The following COL4A3 variants were observed in gnomAD, a reference collection of about 807,000 sequenced individuals.
The protein encoded by COL4A3 is collagen type IV alpha 3 chain, also known as collagen alpha-3(IV) chain.
Under a neutral mutation model 217.4 loss-of-function variants are expected in COL4A3, and 135 were observed. That is an observed-to-expected ratio of 0.62 (90% CI 0.54 to 0.72). The LOEUF (loss-of-function observed/expected upper bound fraction) is 0.72, where lower values mean the gene tolerates loss of function less well. Ranked by LOEUF, COL4A3 falls within the 30% of genes least tolerant of loss-of-function variation. The pLI, the probability that COL4A3 is intolerant of heterozygous loss-of-function variation, is 0.00. For synonymous variants in COL4A3, 690 were observed against 736.3 expected, an observed-to-expected ratio of 0.94 and a Z score of 1.02; for missense variants, 1,868 against 2,119.9, an observed-to-expected ratio of 0.88 and a Z score of 2.33.
chr2:227,202,256 A>T (rs1037990757), intron 1 of COL4A3, among the ~76,000 whole-genome samples: 3 of 152,098 alleles, frequency 2.0e-5, no homozygotes, highest in Admixed American at 6.5e-5. Flanking sequence ...TATGTAATTT[A>T]CACTTGTCTG....
At chr2:227,306,864 C>T (rs538174991) in intron 47 of COL4A3, among the ~76,000 whole-genome samples, 121 of 152,152 alleles carry the variant, frequency 8.0e-4, no homozygotes, top group African/African-American at 2.9e-3. Flanking sequence ...TGGCCCAAGT[C>T]TGGTTGGGGA....
At chr2:227,302,697 A>AAAAAAAAAAAAAAAAAAAAAAAC (rs2073344185) in intron 43 of COL4A3, among the ~76,000 whole-genome samples, 1 of 123,130 alleles carries the variant, frequency 8.1e-6, no homozygotes, top group African/African-American at 2.7e-5. Context: ...AAAAAAAAAA[A>AAAAAAAAAAAAAAAAAAAAAAAC]AAAAAAAAAT....
chr2:227,292,594 C>T (rs6756797), intron 37 of COL4A3, among the ~76,000 whole-genome samples: 189 of 152,212 alleles, frequency 1.2e-3, no homozygotes, highest in African/African-American at 4.3e-3. Context: ...CCTATATGTT[C>T]GGGTTTGTCG....
intron 1 of COL4A3, among the ~76,000 whole-genome samples, chr2:227,169,997 A>G (rs116260080): frequency 1.3e-5 from 2 of 152,282 alleles, no homozygotes; most frequent in African/African-American, 2.4e-5. Context: ...TATGACAGGT[A>G]TTCTTTCCTC....
At chr2:227,210,165 T>C (rs754147379) in intron 1 of COL4A3, among the ~76,000 whole-genome samples, 1 of 152,254 alleles carries the variant, frequency 6.6e-6, no homozygotes, top group Non-Finnish European at 1.5e-5. Context: ...ATGTTAAATA[T>C]TGTTGCAGAA....
intron 28 of COL4A3, 148 bp from the exon 29 acceptor site, chr2:227,279,645 T>A (rs751393588): frequency 6.7e-4 from 379 of 568,250 alleles, no homozygotes; most frequent in Non-Finnish European, 9.3e-4. Context: ...TTGGAACTTT[T>A]AAAAAATTGC....
chr2:227,223,889 A>T (rs1001602160), intron 1 of COL4A3, among the ~76,000 whole-genome samples: 6 of 152,182 alleles, frequency 3.9e-5, no homozygotes, highest in African/African-American at 1.4e-4. Context: ...TGTGGGGAGA[A>T]GATGTTTTGC....
intron 1 of COL4A3, among the ~76,000 whole-genome samples, chr2:227,169,403 C>A (rs920738690): frequency 6.6e-6 from 1 of 150,692 alleles, no homozygotes; most frequent in Non-Finnish European, 1.5e-5. Flanking sequence ...TGGGTATATA[C>A]CCAGTAATGG....
At chr2:227,208,214 C>T (rs61428437) in intron 1 of COL4A3, among the ~76,000 whole-genome samples, 6,541 of 152,236 alleles carry the variant, frequency 0.043, 230 homozygotes, top group East Asian at 0.23. Context: ...TGATAACAGC[C>T]CTTTCCCAAA....
chr2:227,209,416 T>C (rs574230362), intron 1 of COL4A3, among the ~76,000 whole-genome samples: 95 of 152,358 alleles, frequency 6.2e-4, no homozygotes, highest in African/African-American at 2.2e-3. Flanking sequence ...GCCTGGTATA[T>C]CTTCCCCAAC....
At chr2:227,308,680 A>C (rs758298663) in intron 48 of COL4A3, among the ~76,000 whole-genome samples, 27 of 152,254 alleles carry the variant, frequency 1.8e-4, no homozygotes, top group Non-Finnish European at 2.9e-4. Flanking sequence ...GAGCCACCGG[A>C]AGTATTAAAG....
Position 227,304,092 on chromosome 2 carries a change from A to C in COL4A3, c.4101A>C (p.Gly1367=), listed in dbSNP as rs920974994. The C allele has an allele frequency of 6.2e-7, 1 of 1,614,078 alleles. No individual in the cohort carries two copies. Among genetic ancestry groups the C allele is most frequent in the African/African-American group, 1.3e-5 (1 of 74,946 alleles). ...PGSPGPPGTP[G]EPGMQGEPGP... ...GCCCAGGGCCACCTGGCACACCTGG[A>C]GAACCAGGGATGCAGGGAGAACCTG... The change falls in exon 46 of 52, where the codon GGA becomes GGC. Residue 1367 remains glycine (G), a synonymous_variant. Coordinates refer to ENST00000396578, the MANE Select transcript of COL4A3 (RefSeq NM_000091.5).
chr2:227,221,389 C>G (rs975287379), intron 1 of COL4A3: 1 of 151,964 alleles, frequency 6.6e-6, no homozygotes, highest in Non-Finnish European at 1.5e-5. Flanking sequence ...CCTGTCTTCC[C>G]TCATTGATGA....
intron 1 of COL4A3, among the ~76,000 whole-genome samples, chr2:227,207,208 T>G (rs2067133925): frequency 6.6e-6 from 1 of 152,112 alleles, no homozygotes; most frequent in African/African-American, 2.4e-5. Context: ...CTAAGAGAAC[T>G]TATCTGTGCC....
chr2:227,273,519 C>T (rs1469224381), intron 26 of COL4A3, among the ~76,000 whole-genome samples: 2 of 152,108 alleles, frequency 1.3e-5, no homozygotes, highest in East Asian at 3.9e-4. Flanking sequence ...ATCCTCCTGC[C>T]TGGTCTCCTG....
At chr2:227,236,662 C>CTTTTT (rs1559853416) in intron 1 of COL4A3, among the ~76,000 whole-genome samples, 2 of 124,580 alleles carry the variant, frequency 1.6e-5, no homozygotes, top group Non-Finnish European at 1.8e-5. Context: ...TGTCAAAACA[C>CTTTTT]ATTTTTTCTT....
At chr2:227,226,875 A>T (rs75024318) in intron 1 of COL4A3, among the ~76,000 whole-genome samples, 35,167 of 152,102 alleles carry the variant, frequency 0.23, 4,546 homozygotes, top group Non-Finnish European at 0.3. Flanking sequence ...GCCACGTAGT[A>T]AATATTTTAG....
At chr2:227,254,816 T>TA (rs1404979673) in intron 15 of COL4A3, 101 bp downstream of exon 15, 5 of 854,150 alleles carry the variant, frequency 5.9e-6, no homozygotes, top group Non-Finnish European at 1.0e-5. Context: ...TAGCTCAAGC[T>TA]AAAAATTTCT....
chr2:227,290,855 A>C lies in COL4A3; in HGVS notation c.3179A>C (p.Glu1060Ala). The C allele has an allele frequency of 6.2e-7, 1 of 1,613,510 alleles. No homozygotes were observed. Among genetic ancestry groups the C allele is most frequent in the Non-Finnish European group, 8.5e-7 (1 of 1,179,878 alleles). The change falls in exon 37 of 52, where the codon GAA becomes GCA. Residue 1060 changes from glutamate to alanine, a missense_variant. By Grantham distance (107) the Glu-to-Ala change is moderately radical (BLOSUM62 -1). Transcript: ENST00000396578. ...QGDKGEPGYS[E>A]GTRPGPPGPT... Reference sequence around the variant, plus strand: ...GATAAGGGAGAGCCAGGTTATTCAGAAGGTACAAGGCCAGGACCACCGGGA... The same window carrying C: ...GATAAGGGAGAGCCAGGTTATTCAGCAGGTACAAGGCCAGGACCACCGGGA...
Sources: gnomAD v4.1 joint callset for allele counts (sites outside exome capture counted in the v4.1 genomes callset) on GRCh38, gnomAD v4.1.1 for gene constraint, MANE v1.5 for transcripts, NCBI Gene and HGNC (gene_info 2026-07-23, HGNC 2026-07-21) for gene names.